Variants in RPS6KA2 observed in about 807,000 individuals in gnomAD.
The protein encoded by RPS6KA2 is ribosomal protein S6 kinase A2, also known as ribosomal protein S6 kinase alpha-2.
RPS6KA2 carries 42 observed loss-of-function variants against 91.8 expected under a neutral mutation model. The observed-to-expected ratio is 0.46, with a 90% CI of 0.36 to 0.59. RPS6KA2 has a LOEUF of 0.59. Among genes scored for constraint, RPS6KA2 ranks in the 20% least tolerant of loss-of-function variants. The pLI is 0.00. For synonymous variants in RPS6KA2, 414 were observed against 393.6 expected, an observed-to-expected ratio of 1.05 and a Z score of -0.61; for missense variants, 798 against 978.5, an observed-to-expected ratio of 0.82 and a Z score of 2.46.
At chr6:166,458,424 T>G (rs1353720003) in intron 12 of RPS6KA2, among the ~76,000 whole-genome samples, 1 of 152,240 alleles carries the variant, frequency 6.6e-6, no homozygotes, top group Non-Finnish European at 1.5e-5. Context: ...TTGTGAGGCT[T>G]CCTCAGCCAT....
chr6:166,643,149 C>CTTCTAGTTGGTATTA (rs1312946610), intron 2 of RPS6KA2, among the ~76,000 whole-genome samples: 1 of 152,184 alleles, frequency 6.6e-6, no homozygotes, highest in Non-Finnish European at 1.5e-5. Context: ...TCCACCAACT[C>CTTCTAGTTGGTATTA]TTCTAGTAGC....
chr6:166,532,605 TG>T (rs1309527214), intron 2 of RPS6KA2, among the ~76,000 whole-genome samples: 1 of 152,024 alleles, frequency 6.6e-6, no homozygotes, highest in African/African-American at 2.4e-5. Flanking sequence ...CCTCCCCAGG[TG>T]GGGACTCTTC....
chr6:166,564,791 G>A (rs1012407502), intron 1 of RPS6KA2, among the ~76,000 whole-genome samples: 2 of 152,164 alleles, frequency 1.3e-5, no homozygotes, highest in Non-Finnish European at 2.9e-5. Flanking sequence ...GATCAAGGTC[G>A]AGGGCTGCAG....
At chr6:166,760,366 A>C (rs1778133383) in intron 2 of RPS6KA2, among the ~76,000 whole-genome samples, 1 of 152,264 alleles carries the variant, frequency 6.6e-6, no homozygotes, top group Non-Finnish European at 1.5e-5. Context: ...AGCTGGTCTA[A>C]TCTCCAAAGG....
chr6:166,587,703 A>G (rs1785224321), intron 1 of RPS6KA2, among the ~76,000 whole-genome samples: 1 of 152,066 alleles, frequency 6.6e-6, no homozygotes, highest in Non-Finnish European at 1.5e-5. Flanking sequence ...TGTAAAATAT[A>G]TAAGTGGATT....
chr6:166,702,147 T>C (rs1789543613), intron 2 of RPS6KA2: 1 of 1,582,834 alleles, frequency 6.3e-7, no homozygotes, highest in Admixed American at 1.7e-5. Flanking sequence ...ACATCGATTT[T>C]AGACTGGGTC....
chr6:166,751,498 G>A (rs1791282769), intron 2 of RPS6KA2, among the ~76,000 whole-genome samples: 1 of 152,266 alleles, frequency 6.6e-6, no homozygotes, highest in Non-Finnish European at 1.5e-5. Flanking sequence ...CGTGGAGGAG[G>A]TGCAGGCCGG....
At chr6:166,668,321 T>C (rs1358977099) in intron 2 of RPS6KA2, among the ~76,000 whole-genome samples, 2 of 152,058 alleles carry the variant, frequency 1.3e-5, no homozygotes, top group African/African-American at 4.8e-5. Flanking sequence ...CCTCAGTTCA[T>C]ATGGTGGGGT....
intron 1 of RPS6KA2, among the ~76,000 whole-genome samples, chr6:166,581,670 T>C (rs7757251): frequency 0.067 from 10,231 of 152,172 alleles, 1,175 homozygotes; most frequent in African/African-American, 0.23. Context: ...ACAGACTAGT[T>C]TAGATTTGAA....
In RPS6KA2 at chr6:166,849,987, T is replaced by C. The variant is rs1422580222; in HGVS notation, c.123+8213A>G. On this transcript the variant is annotated intron_variant, in intron 2 of 21. Coordinates refer to the RPS6KA2 transcript ENST00000503859. This position sits in a 1 kb window ranked among gnomAD's most constrained non-coding sequence, Gnocchi z 4.9. ...GGAACGAGGGGCACTCACGCATGGC[T>C]CTGCTATGCCCACGGGGCCTCCGCC... 1.3e-5 allele frequency among the ~76,000 whole-genome samples: 2 copies of C among 152,054 alleles called. No homozygotes were observed. Among genetic ancestry groups the C allele is most frequent in the Non-Finnish European group, 2.9e-5 (2 of 67,990 alleles).
chr6:166,810,239 T>C (rs1034449655), intron 2 of RPS6KA2, among the ~76,000 whole-genome samples: 2 of 152,112 alleles, frequency 1.3e-5, no homozygotes, highest in Non-Finnish European at 2.9e-5. Context: ...GTGGGGATTA[T>C]GGGGATTACA....
At chr6:166,610,801 T>A (rs1453622253) in intron 1 of RPS6KA2, among the ~76,000 whole-genome samples, 1 of 152,258 alleles carries the variant, frequency 6.6e-6, no homozygotes, top group South Asian at 2.1e-4. Context: ...TTATTACATT[T>A]ATTATAGAGT....
intron 2 of RPS6KA2, among the ~76,000 whole-genome samples, chr6:166,771,796 C>T (rs539770468): frequency 6.6e-6 from 1 of 152,322 alleles, no homozygotes; most frequent in East Asian, 1.9e-4. Context: ...CAGGAGATGC[C>T]AGCGGCCTCT....
intron 11 of RPS6KA2, among the ~76,000 whole-genome samples, chr6:166,468,811 C>T (rs1780636835): frequency 7.4e-6 from 1 of 135,884 alleles, no homozygotes; most frequent in Admixed American, 8.5e-5. Flanking sequence ...TTGCAGTGAG[C>T]CGAGATCGCG....
At chr6:166,730,378 A>C in intron 2 of RPS6KA2, among the ~76,000 whole-genome samples, 1 of 82,068 alleles carries the variant, frequency 1.2e-5, no homozygotes, top group East Asian at 3.4e-4. Context: ...AATTCATAAA[A>C]ATATGTCATC....
rs576766519 is a variant in RPS6KA2, at chr6:166,495,034, C to T, written c.747+3474G>A. The stretch of plus-strand genomic sequence containing the variant: ...CCACGGACGTGTGGGAAGCGTGGGG[C>T]CTCCACAGTCAAGACCTTTGCCTGT... On this transcript the variant is annotated intron_variant, in intron 8 of 20. Coordinates refer to ENST00000265678, the MANE Select transcript of RPS6KA2 (RefSeq NM_021135.6). This position sits in a 1 kb window ranked among gnomAD's most constrained non-coding sequence, Gnocchi z 4.4. 3.0e-4 allele frequency among the ~76,000 whole-genome samples: 45 copies of T among 152,322 alleles called. No individual in the cohort carries two copies. The highest frequency in any genetic ancestry group is 1.1e-3 in the African/African-American group (45 of 41,568).
chr6:166,446,671 A>G (rs1464119156), intron 14 of RPS6KA2, among the ~76,000 whole-genome samples: 1 of 152,196 alleles, frequency 6.6e-6, no homozygotes, highest in Non-Finnish European at 1.5e-5. Flanking sequence ...ATATTAGGAG[A>G]AAACACACCA....
rs1694263838 is a variant in RPS6KA2 at position 166,603,872 on chromosome 6, C to T, written c.99+23049G>A. On this transcript the variant is annotated intron_variant, in intron 1 of 20. Coordinates refer to ENST00000265678, the MANE Select transcript of RPS6KA2 (RefSeq NM_021135.6). The surrounding 1 kb of genome is among the most constrained non-coding windows in gnomAD (Gnocchi z 4.3). ...ACCCCCTCAGCACCCACCAAACGGG[C>T]AATCGAGGTTGTTTTAGGCAGAAAC... Among the ~76,000 whole-genome samples the T allele has an allele frequency of 2.6e-5, 4 of 152,286 alleles. No homozygotes were observed. The South Asian group carries it at 8.3e-4, about 32-fold the overall frequency.
rs1231166997 is a variant in RPS6KA2 at position 166,825,525 on chromosome 6, T to C, written c.123+32675A>G. ...CAGGGTGCTACTTAGCTACTTACCC[T>C]AGACTGGGTAGCTTAGCTACTTACC... On this transcript the variant is annotated intron_variant, in intron 2 of 21. Transcript: ENST00000503859. This position sits in a 1 kb window ranked among gnomAD's most constrained non-coding sequence, Gnocchi z 4.1. Among the ~76,000 whole-genome samples, 1 of 145,992 alleles carries C rather than the reference T, an allele frequency of 6.8e-6. No homozygotes were observed.
Sources: gnomAD v4.1 joint callset for allele counts (sites outside exome capture counted in the v4.1 genomes callset) on GRCh38, gnomAD v4.1.1 for gene constraint, Gnocchi (gnomAD v3.1) non-coding constraint, MANE v1.5 for transcripts, NCBI Gene and HGNC (gene_info 2026-07-23, HGNC 2026-07-21) for gene names.